ARID5B: variants seen among roughly 807,000 people sequenced by gnomAD.
ARID5B encodes the protein AT-rich interactive domain-containing protein 5B.
In ARID5B, 13 loss-of-function variants were observed where a neutral mutation model predicts 97.2. That is an observed-to-expected ratio of 0.13 (90% confidence interval 0.09 to 0.21). The LOEUF (loss-of-function observed/expected upper bound fraction) is 0.21. Ranked by LOEUF, ARID5B falls within the 10% of genes least tolerant of loss-of-function variation. The pLI is 1.00. For missense variants in ARID5B, 1,210 were observed against 1,465.3 expected (o/e 0.83, Z 2.84); for synonymous variants, 556 against 570.3 (o/e 0.97, Z 0.36).
intron 8 of ARID5B, among the ~76,000 whole-genome samples, chr10:62,072,266 G>A (rs1466207280): frequency 6.6e-6 from 1 of 152,208 alleles, no homozygotes; most frequent in Non-Finnish European, 1.5e-5. Flanking sequence ...CGCTGAAACT[G>A]CTGGGGGACT....
chr10:62,080,467 G>A (rs988682895), intron 8 of ARID5B, among the ~76,000 whole-genome samples: 1 of 152,168 alleles, frequency 6.6e-6, no homozygotes, highest in Non-Finnish European at 1.5e-5. Flanking sequence ...CACTTTTATG[G>A]TCATGGTCTA....
intron 8 of ARID5B, among the ~76,000 whole-genome samples, chr10:62,081,675 A>G (rs1840215604): frequency 6.6e-6 from 1 of 152,256 alleles, no homozygotes; most frequent in African/African-American, 2.4e-5. Flanking sequence ...TTGTAAATAT[A>G]AAATTATCTG....
Position 62,051,170 on chromosome 10 carries a change from C to A in ARID5B, c.846+170C>A. 4.3e-6 allele frequency: 3 copies of A among 700,878 alleles called. No individual in the cohort carries two copies. In the Admixed American group the frequency reaches 6.3e-5, roughly 15 times the overall value. 43.4% of individuals were successfully genotyped at this position (700,878 alleles called of 1,614,324 possible). On this transcript the variant is annotated intron_variant, in intron 5 of 9. Coordinates refer to ENST00000279873, the MANE Select transcript of ARID5B (RefSeq NM_032199.3). ...GTGCCTGTTCCTGCCACCTCCCTTC[C>A]CCTGGTTGCCGTGGGCTGGGGGAGG...
intron 4 of ARID5B, among the ~76,000 whole-genome samples, chr10:62,040,264 TCA>T (rs1564634122): frequency 5.3e-5 from 8 of 152,246 alleles, no homozygotes; most frequent in South Asian, 4.1e-4. Context: ...TAGCCTTGAG[TCA>T]ATGATTACCA....
At chr10:62,032,155 T>C (rs567109158) in intron 4 of ARID5B, among the ~76,000 whole-genome samples, 1 of 151,950 alleles carries the variant, frequency 6.6e-6, no homozygotes, top group African/African-American at 2.4e-5. Flanking sequence ...TCTCTAAAAA[T>C]ATAAAAATAA....
chr10:61,930,547 C>A (rs1182478875), intron 2 of ARID5B, among the ~76,000 whole-genome samples: 1 of 151,588 alleles, frequency 6.6e-6, no homozygotes, highest in African/African-American at 2.4e-5. Flanking sequence ...GGTGAAACTC[C>A]GTCTCTACTA....
chr10:61,986,739 C>T (rs1334892362), intron 3 of ARID5B, among the ~76,000 whole-genome samples: 2 of 152,158 alleles, frequency 1.3e-5, no homozygotes, highest in Admixed American at 1.3e-4. Context: ...GTAACATACT[C>T]CCTTCTTTCT....
At chr10:61,961,260 C>T (rs2132822013) in intron 3 of ARID5B, among the ~76,000 whole-genome samples, 1 of 152,170 alleles carries the variant, frequency 6.6e-6, no homozygotes, top group Middle Eastern at 3.4e-3. Flanking sequence ...GTATCACTTG[C>T]TATAATTAAT....
In ARID5B at chr10:62,096,152, T is replaced by C. The variant is rs1840466651; in HGVS notation, c.*3122T>C. ...TATTTATTTACTAGCTAGAAGCTCT[T>C]AAGTTCACTTGTTTATCAGGGCATA... On this transcript the variant is annotated 3_prime_UTR_variant, in exon 10 of 10. Transcript: ENST00000279873. The C allele has an allele frequency of 4.3e-6, 1 of 233,508 alleles. No individual in the cohort carries two copies. Among genetic ancestry groups the C allele is most frequent in the Non-Finnish European group, 8.5e-6 (1 of 118,020 alleles). 14.5% of individuals were successfully genotyped at this position (233,508 alleles called of 1,614,324 possible). A position where few individuals can be genotyped will look rare whatever the true frequency, so the allele number is the denominator to read the frequency against.
intron 2 of ARID5B, among the ~76,000 whole-genome samples, chr10:61,936,416 G>A (rs1173487679): frequency 2.0e-5 from 3 of 152,310 alleles, no homozygotes; most frequent in African/African-American, 4.8e-5. Context: ...TCAGGAGTTC[G>A]AGACCATCCT....
At chr10:62,051,567 A>G (rs958308509) in intron 5 of ARID5B, among the ~76,000 whole-genome samples, 4 of 152,244 alleles carry the variant, frequency 2.6e-5, no homozygotes, top group African/African-American at 9.6e-5. Context: ...GATCTCTGTT[A>G]ACATAGAATG....
At chr10:62,088,300 G>A (rs1020114373) in intron 9 of ARID5B, among the ~76,000 whole-genome samples, 4 of 152,222 alleles carry the variant, frequency 2.6e-5, no homozygotes, top group Non-Finnish European at 5.9e-5. Context: ...GGTTTCAGAT[G>A]AGTGTGTTCT....
At chr10:62,012,007 A>G (rs998456058) in intron 4 of ARID5B, among the ~76,000 whole-genome samples, 2 of 152,008 alleles carry the variant, frequency 1.3e-5, no homozygotes, top group African/African-American at 2.4e-5. Context: ...AGGAGGGGAA[A>G]AAAAAAAGTA....
intron 4 of ARID5B, among the ~76,000 whole-genome samples, chr10:62,008,627 A>G (rs1839177414): frequency 6.6e-6 from 1 of 152,240 alleles, no homozygotes; most frequent in Admixed American, 6.5e-5. Context: ...CTGTTATGCC[A>G]GCCTCCTTGC....
chr10:61,955,071 A>G (rs943298018), intron 3 of ARID5B, among the ~76,000 whole-genome samples: 1 of 152,034 alleles, frequency 6.6e-6, no homozygotes, highest in African/African-American at 2.4e-5. Context: ...CTTGGAGGTT[A>G]TGAGTAAGAA....
intron 3 of ARID5B, among the ~76,000 whole-genome samples, chr10:61,997,275 G>GA (rs1023824966): frequency 1.5e-4 from 22 of 142,994 alleles, no homozygotes; most frequent in South Asian, 1.3e-3. Flanking sequence ...GAGGTGGAGA[G>GA]AAAAAAAAAA....
At chr10:61,939,135 G>A (rs942209321) in intron 2 of ARID5B, among the ~76,000 whole-genome samples, 1 of 151,970 alleles carries the variant, frequency 6.6e-6, no homozygotes, top group Admixed American at 6.6e-5. Context: ...TCCTGTTGTT[G>A]TTTGTCAAAA....
At chr10:62,078,004 T>G (rs1400581006) in intron 8 of ARID5B, among the ~76,000 whole-genome samples, 2 of 152,270 alleles carry the variant, frequency 1.3e-5, no homozygotes, top group Non-Finnish European at 2.9e-5. Context: ...TCTTGGAACA[T>G]TTTGTTTTTG....
intron 4 of ARID5B, among the ~76,000 whole-genome samples, chr10:62,007,750 A>G (rs1428882268): frequency 2.0e-5 from 3 of 152,148 alleles, no homozygotes; most frequent in African/African-American, 7.2e-5. Flanking sequence ...GAAGTATGTC[A>G]TTTGCTATTA....
Sources: allele counts gnomAD v4.1 joint callset (sites outside exome capture counted in the v4.1 genomes callset), GRCh38; gene constraint gnomAD v4.1.1; transcripts MANE v1.5; gene names NCBI Gene and HGNC (gene_info 2026-07-23, HGNC 2026-07-21).